PHIP: variants seen among roughly 807,000 people sequenced by gnomAD.
The protein encoded by PHIP is PH-interacting protein.
A neutral mutation model predicts 236.8 loss-of-function variants in PHIP; 54 were observed. The ratio of observed to expected loss-of-function variants is 0.23; its 90% CI spans 0.18 to 0.29. The LOEUF (loss-of-function observed/expected upper bound fraction) is 0.29. Ranked by LOEUF, PHIP falls within the 10% of genes least tolerant of loss-of-function variation. The pLI is 1.00. For synonymous variants in PHIP, 756 were observed against 718.9 expected, an observed-to-expected ratio of 1.05 and a Z score of -0.83; for missense variants, 1,370 against 2,190.8, an observed-to-expected ratio of 0.63 and a Z score of 7.48.
rs36155238 is a variant in PHIP at position 78,940,548 on chromosome 6, GTTTTT to G, written c.*140_*144del. 7 of 82,716 alleles carry G rather than the reference GTTTTT, an allele frequency of 8.5e-5. No homozygotes were observed. The highest frequency in any genetic ancestry group is 2.2e-4 in the Admixed American group (1 of 4,586). 5.1% of individuals were successfully genotyped at this position (82,716 alleles called of 1,614,324 possible). A position where few individuals can be genotyped will look rare whatever the true frequency, so the allele number is the denominator to read the frequency against. The stretch of plus-strand genomic sequence containing the variant: ...AAGAAGTGAAGTGTCTCGTAAGTTT[GTTTTT>G]TTTTTTTTTTTTTTTTTTGCAAATC... On this transcript the variant is annotated 3_prime_UTR_variant, in exon 40 of 40. Coordinates refer to ENST00000275034, the MANE Select transcript of PHIP (RefSeq NM_017934.7).
chr6:79,060,821 A>G lies in PHIP; in HGVS notation c.190-3T>C, dbSNP rs1212086732. The G allele has an allele frequency of 6.3e-7, 1 of 1,583,080 alleles. No homozygotes were observed. The highest frequency in any genetic ancestry group is 1.2e-5 in the South Asian group (1 of 86,872). On this transcript the variant is annotated splice_region_variant and splice_polypyrimidine_tract_variant and intron_variant, in intron 4 of 39. Coordinates refer to ENST00000275034, the MANE Select transcript of PHIP (RefSeq NM_017934.7). Reference sequence around the variant, plus strand: ...GCTAAGTGTCTGTAATACTTCACCTATTATGTAAAAGACAAATATAGTAGG... The same window carrying G: ...GCTAAGTGTCTGTAATACTTCACCTGTTATGTAAAAGACAAATATAGTAGG...
intron 6 of PHIP, among the ~76,000 whole-genome samples, chr6:79,056,879 T>C (rs1027512357): frequency 1.3e-5 from 2 of 152,064 alleles, no homozygotes; most frequent in South Asian, 4.2e-4. Context: ...AGATATACAA[T>C]ATTTACTCAG....
chr6:78,948,596 G>T (rs1403997723), intron 35 of PHIP, among the ~76,000 whole-genome samples: 2 of 152,090 alleles, frequency 1.3e-5, no homozygotes, highest in Non-Finnish European at 2.9e-5. Context: ...CCAGACTCAA[G>T]CAACCTTCCC....
At chr6:79,006,678 T>C (rs968025431) in intron 15 of PHIP, among the ~76,000 whole-genome samples, 3 of 152,078 alleles carry the variant, frequency 2.0e-5, no homozygotes, top group Non-Finnish European at 2.9e-5. Context: ...TTATGCTAGC[T>C]AGCACTTACT....
At chr6:78,983,419 A>T (rs557398996) in intron 22 of PHIP, among the ~76,000 whole-genome samples, 1 of 152,290 alleles carries the variant, frequency 6.6e-6, no homozygotes, top group East Asian at 1.9e-4. Flanking sequence ...TGAGTGTTGC[A>T]TATGTTACAA....
chr6:79,072,359 T>C (rs1773925001), intron 4 of PHIP, among the ~76,000 whole-genome samples: 1 of 152,260 alleles, frequency 6.6e-6, no homozygotes. Context: ...TAGCACAATT[T>C]TTCCAGAGGT....
rs1164334535 is a variant in PHIP at position 79,025,925 on chromosome 6, A to G, written c.822+18T>C. 6.8e-7 allele frequency: 1 copy of G among 1,480,050 alleles called. No individual in the cohort carries two copies. Among genetic ancestry groups the G allele is most frequent in the Non-Finnish European group, 9.4e-7 (1 of 1,063,056 alleles). 91.7% of individuals were successfully genotyped at this position (1,480,050 alleles called of 1,614,324 possible). A position where few individuals can be genotyped will look rare whatever the true frequency, so the allele number is the denominator to read the frequency against. On this transcript the variant is annotated intron_variant, in intron 8 of 39. Transcript: ENST00000275034. ...AACAACAACAACAACAACAATGTAT[A>G]GGGATTAAGACAATTACCTGTAGTG...
At chr6:79,067,494 T>C (rs1018457659) in intron 4 of PHIP, among the ~76,000 whole-genome samples, 1 of 152,240 alleles carries the variant, frequency 6.6e-6, no homozygotes, top group Non-Finnish European at 1.5e-5. Context: ...AGAGTGCAAG[T>C]CAGCAAACAT....
In PHIP at chr6:78,992,183, C is replaced by T. The variant is rs559371128; in HGVS notation, c.2202-1198G>A. 8.6e-5 allele frequency among the ~76,000 whole-genome samples: 13 copies of T among 152,020 alleles called. No individual in the cohort carries two copies. The South Asian group carries it at 1.0e-3, about 12-fold the overall frequency. On this transcript the variant is annotated intron_variant, in intron 19 of 39. Transcript: ENST00000275034. ...TCCACTGTGCTAGCCAGGATGGTCT[C>T]GATCTCCTGACCTCGTGATCCCCCC...
intron 4 of PHIP, chr6:79,067,690 A>C (rs986702183): frequency 5.9e-5 from 9 of 152,696 alleles, no homozygotes; most frequent in African/African-American, 2.2e-4. Flanking sequence ...CCCCTGATCG[A>C]AAGAATGATT....
chr6:79,063,042 AC>A (rs1324164398), intron 4 of PHIP, among the ~76,000 whole-genome samples: 19 of 152,278 alleles, frequency 1.2e-4, no homozygotes, highest in African/African-American at 4.1e-4. Flanking sequence ...TGATACTTAG[AC>A]TTTTAAGAAT....
At chr6:79,038,054 T>C (rs992910662) in intron 7 of PHIP, among the ~76,000 whole-genome samples, 3 of 152,246 alleles carry the variant, frequency 2.0e-5, no homozygotes, top group Non-Finnish European at 2.9e-5. Context: ...GTTTAGTTTA[T>C]ATTAAGTGTA....
chr6:78,988,128 CAATA>C, intron 21 of PHIP, 77 bp downstream of exon 21: 2 of 1,018,956 alleles, frequency 2.0e-6, no homozygotes, highest in Non-Finnish European at 2.7e-6. Flanking sequence ...ACAAACATAT[CAATA>C]AATGCGAAGA....
intron 24 of PHIP, 35 bp downstream of exon 24, chr6:78,978,557 G>A: frequency 6.5e-7 from 1 of 1,531,738 alleles, no homozygotes. Flanking sequence ...AAAACTATGT[G>A]AGGAAAAATG....
intron 7 of PHIP, among the ~76,000 whole-genome samples, chr6:79,030,761 C>T (rs984978906): frequency 2.6e-5 from 4 of 152,096 alleles, no homozygotes; most frequent in African/African-American, 7.2e-5. Flanking sequence ...AGAGAGACCA[C>T]TTAGTGTAGA....
rs751372786 is a variant in PHIP, at chr6:79,019,134, G to A, written c.949C>T (p.Arg317Cys). Reference sequence around the variant, plus strand: ...ATCATTTGAACTCCAGGCCGAGGGCGCTCTGTAAATTTTGCAGGTCTTGGG... The same window carrying A: ...ATCATTTGAACTCCAGGCCGAGGGCACTCTGTAAATTTTGCAGGTCTTGGG... Reference protein sequence around the residue: ...INPRPAKFTERPRPGVQMICS... With the variant: ...INPRPAKFTECPRPGVQMICS... Residue 317 changes from arginine to cysteine, a missense_variant, in exon 10 of 40, where the codon CGC (arginine) becomes TGC (cysteine). Physicochemically the swap from Arg to Cys is radical, Grantham distance 180. Around this residue, in one of 14 missense-constraint regions of PHIP, gnomAD observed 188 missense variants for 354.3 expected, o/e 0.53. Coordinates refer to ENST00000275034, the MANE Select transcript of PHIP (RefSeq NM_017934.7). 5 of 1,612,372 alleles carry A rather than the reference G, an allele frequency of 3.1e-6. No homozygotes were observed. Among genetic ancestry groups the A allele is most frequent in the African/African-American group, 1.3e-5 (1 of 74,976 alleles).
intron 17 of PHIP, among the ~76,000 whole-genome samples, chr6:79,000,522 GTAA>G (rs1002672340): frequency 1.2e-4 from 18 of 151,958 alleles, no homozygotes; most frequent in Non-Finnish European, 1.6e-4. Context: ...GATTTAAAAA[GTAA>G]TAATAATAAT....
At chr6:78,951,748 CT>C (rs1298685175) in intron 35 of PHIP, among the ~76,000 whole-genome samples, 1 of 152,120 alleles carries the variant, frequency 6.6e-6, no homozygotes, top group Non-Finnish European at 1.5e-5. Flanking sequence ...ATATATTTCC[CT>C]TTTAAGTTTG....
chr6:79,006,404 TTAAG>T (rs1770294098), intron 15 of PHIP, among the ~76,000 whole-genome samples: 1 of 151,964 alleles, frequency 6.6e-6, no homozygotes, highest in African/African-American at 2.4e-5. Flanking sequence ...TATGGTACGA[TTAAG>T]TAAGCCAATC....
Sources: allele counts gnomAD v4.1 joint callset (sites outside exome capture counted in the v4.1 genomes callset), GRCh38; gene constraint gnomAD v4.1.1; regional missense constraint gnomAD v4.1.1; transcripts MANE v1.5; gene names NCBI Gene and HGNC (gene_info 2026-07-23, HGNC 2026-07-21).